The following PCNX3 variants were observed in gnomAD, a reference collection of about 807,000 sequenced individuals.
PCNX3 encodes the protein pecanex-like protein 3.
PCNX3 carries 58 observed loss-of-function variants against 207.2 expected under a neutral mutation model. The observed-to-expected ratio is 0.28, with a 90% CI of 0.23 to 0.35. PCNX3 has a LOEUF of 0.35. Ranked by LOEUF, PCNX3 falls within the 10% of genes least tolerant of loss-of-function variation. The pLI is 1.00. For missense variants in PCNX3, 2,410 were observed against 2,774.4 expected (o/e 0.87, Z 2.95); for synonymous variants, 1,337 against 1,183.5 (o/e 1.13, Z -2.66).
rs573003843 is a variant in PCNX3, at chr11:65,631,315, T to A, written c.4470+711T>A. Among the ~76,000 whole-genome samples, 37 of 152,264 alleles carry A rather than the reference T, an allele frequency of 2.4e-4. No individual in the cohort carries two copies. In the South Asian group the frequency reaches 7.7e-3, roughly 32 times the overall value. On this transcript the variant is annotated intron_variant, in intron 27 of 34. Transcript: ENST00000355703. ...ATGTTTCTTCCCTGTGTCCCTCAGCTTACCCCTTGAGAAGTGGGGGTTATT... is the reference window on the plus strand; with the variant it reads ...ATGTTTCTTCCCTGTGTCCCTCAGCATACCCCTTGAGAAGTGGGGGTTATT...
Position 65,618,134 on chromosome 11 carries a change from C to T in PCNX3, c.772C>T (p.Gln258Ter), listed in dbSNP as rs369521118. Residue 258 changes from glutamine (Q) to a stop codon, truncating the protein, a stop_gained, in exon 6 of 35, where the codon CAG becomes TAG. Coordinates refer to ENST00000355703, the MANE Select transcript of PCNX3 (RefSeq NM_032223.4). LOFTEE classifies it high-confidence loss of function. ...GAGCAAGAGCTTCCTGACCCTGACC[C>T]AGCCTGACCGGGCCCTGGTGAGGAC... ...ELSKSFLTLT[Q>*]PDRALVRTSS... 83 of 1,610,410 alleles carry T rather than the reference C, an allele frequency of 5.2e-5. No homozygotes were observed. The highest frequency in any genetic ancestry group is 5.9e-5 in the Non-Finnish European group (70 of 1,178,432).
At position 65,636,541 on chromosome 11, in the gene PCNX3, G is replaced by A; in HGVS notation, c.5744G>A (p.Gly1915Asp). The change falls in exon 34 of 35, where the codon GGT (glycine) becomes GAT (aspartate). Residue 1915 changes from glycine (G) to aspartate (D), a missense_variant. By Grantham distance (94) the Gly-to-Asp change is moderately conservative (BLOSUM62 -1). This residue lies in a region of PCNX3 where 278 missense variants were observed against 245.1 expected (regional missense o/e 1.13). Transcript: ENST00000355703. ...PPPASPIPTEGPRTSRPPGPG... is the reference protein window; with the variant it reads ...PPPASPIPTEDPRTSRPPGPG... ...CCTGCATCGCCTATCCCCACAGAGG[G>A]TCCCCGGACCTCACGGCCCCCTGGC... 6.3e-7 allele frequency: 1 copy of A among 1,595,294 alleles called. No homozygotes were observed. Among genetic ancestry groups the A allele is most frequent in the Non-Finnish European group, 8.5e-7 (1 of 1,172,652 alleles).
intron 23 of PCNX3, 54 bp from the exon 24 acceptor site, chr11:65,628,765 G>GGGGGGCC: frequency 6.3e-7 from 1 of 1,595,550 alleles, no homozygotes; most frequent in South Asian, 1.1e-5. Context: ...GCAGTGGGGG[G>GGGGGGCC]TGGTGGGGGG....
chr11:65,627,022 C>G lies in PCNX3; in HGVS notation c.3498C>G (p.Val1166=). 6.5e-7 allele frequency: 1 copy of G among 1,532,114 alleles called. No individual in the cohort carries two copies. The highest frequency in any genetic ancestry group is 1.2e-5 in the South Asian group (1 of 82,640). 94.9% of individuals were successfully genotyped at this position (1,532,114 alleles called of 1,614,324 possible). A position where few individuals can be genotyped will look rare whatever the true frequency, so the allele number is the denominator to read the frequency against. Residue 1166 remains valine (V), a synonymous_variant, in exon 21 of 35, where the codon GTC becomes GTG. Transcript: ENST00000355703. Reference sequence around the variant, plus strand: ...TCACGGTGGACGCCCACACAGTCGTCAGCCACCCGGACAAGTACTGCTTCT... The same window carrying G: ...TCACGGTGGACGCCCACACAGTCGTGAGCCACCCGGACAAGTACTGCTTCT... ...NALTVDAHTV[V]SHPDKYCFYC...
At position 65,625,574 on chromosome 11, in the gene PCNX3, G is replaced by A. The variant is rs1288614690; in HGVS notation, c.3135+64G>A. The A allele has an allele frequency of 5.1e-6, 8 of 1,580,410 alleles. No individual in the cohort carries two copies. In the Admixed American group the frequency reaches 7.1e-5, roughly 14 times the overall value. On this transcript the variant is annotated intron_variant, in intron 18 of 34. Transcript: ENST00000355703. This position sits in a 1 kb window ranked among gnomAD's most constrained non-coding sequence, Gnocchi z 5.6. ...GACAGGTCCTGGGGTTCCTGGGAGG[G>A]GCATGTCCAGCTTGGGCTGCTGGGC...
intron 28 of PCNX3, 47 bp downstream of exon 28, chr11:65,634,403 G>A (rs1476899110): frequency 2.0e-6 from 3 of 1,528,758 alleles, no homozygotes; most frequent in Admixed American, 3.9e-5. Flanking sequence ...GTGGGACCTG[G>A]GCTTCCCTGC....
intron 1 of PCNX3, 99 bp downstream of exon 1, chr11:65,616,563 G>A: frequency 3.6e-6 from 5 of 1,370,216 alleles, no homozygotes; most frequent in Non-Finnish European, 4.9e-6. Flanking sequence ...TGGAGAGAGA[G>A]GAATCACTGC....
chr11:65,621,351 C>T (rs575491978), intron 10 of PCNX3, among the ~76,000 whole-genome samples: 1 of 152,286 alleles, frequency 6.6e-6, no homozygotes, highest in African/African-American at 2.4e-5. Flanking sequence ...CTGGGGTGCT[C>T]TCTGTTAACA....
chr11:65,617,732 C>T, intron 5 of PCNX3, 26 bp downstream of exon 5: 1 of 1,549,820 alleles, frequency 6.5e-7, no homozygotes. Flanking sequence ...GGGGCCGAGG[C>T]TTGTGGGCTA....
In PCNX3 at chr11:65,617,694, C is replaced by A; in HGVS notation, c.565C>A (p.Gln189Lys). The change falls in exon 5 of 35, where the codon CAG (glutamine) becomes AAG (lysine). Residue 189 changes from glutamine to lysine, a missense_variant. By Grantham distance (53) the Gln-to-Lys change is moderately conservative. Around this residue, in one of 8 missense-constraint regions of PCNX3, gnomAD observed 1,104 missense variants for 970.3 expected, o/e 1.14. Coordinates refer to ENST00000355703, the MANE Select transcript of PCNX3 (RefSeq NM_032223.4). ...CCGAGAGATGCTGAAGCTCAGCTCG[C>A]AGGAGAAACTGAGTGCGTGGGCCTT... ...ADREMLKLSS[Q>K]EKLIGDLPQT... 5.7e-6 allele frequency: 9 copies of A among 1,567,898 alleles called. No homozygotes were observed. Among genetic ancestry groups the A allele is most frequent in the Non-Finnish European group, 7.8e-6 (9 of 1,156,444 alleles).
intron 20 of PCNX3, chr11:65,626,608 A>C (rs181704675): frequency 6.2e-6 from 3 of 480,674 alleles, no homozygotes; most frequent in East Asian, 8.2e-5. Context: ...CTCACTGTGC[A>C]CTCAGGCCCT....
rs1391922955 is a variant in PCNX3, at chr11:65,617,687, C to T, written c.558C>T (p.Leu186=). The T allele has an allele frequency of 1.9e-6, 3 of 1,572,124 alleles. No homozygotes were observed. The highest frequency in any genetic ancestry group is 2.6e-6 in the Non-Finnish European group (3 of 1,158,682). Residue 186 remains leucine (L), a synonymous_variant, in exon 5 of 35, where the codon CTC becomes CTT. Coordinates refer to ENST00000355703, the MANE Select transcript of PCNX3 (RefSeq NM_032223.4). ...VTSADREMLK[L]SSQEKLIGDL... ...CTGCCGACCGAGAGATGCTGAAGCT[C>T]AGCTCGCAGGAGAAACTGAGTGCGT...
intron 1 of PCNX3, 138 bp from the exon 2 acceptor site, chr11:65,616,686 A>G: frequency 9.5e-7 from 1 of 1,047,776 alleles, no homozygotes; most frequent in Non-Finnish European, 1.4e-6. Context: ...CCCTTTGTCG[A>G]GGTCTGTGTA....
chr11:65,620,583 C>G (rs1470485218), intron 9 of PCNX3, among the ~76,000 whole-genome samples, 154 bp downstream of exon 9: 1 of 152,152 alleles, frequency 6.6e-6, no homozygotes, highest in Non-Finnish European at 1.5e-5. Flanking sequence ...AAGGACAGAC[C>G]TCCTGGGGTC....
chr11:65,630,795 A>G (rs1324109511), intron 27 of PCNX3, among the ~76,000 whole-genome samples, 191 bp downstream of exon 27: 1 of 152,172 alleles, frequency 6.6e-6, no homozygotes, highest in African/African-American at 2.4e-5. Flanking sequence ...CTGTGCCCAT[A>G]TGGCTCTGAT....
At position 65,617,454 on chromosome 11, in the gene PCNX3, C is replaced by G; in HGVS notation, c.442-16C>G. On this transcript the variant is annotated splice_polypyrimidine_tract_variant and intron_variant, in intron 3 of 34. Transcript: ENST00000355703. ...TCTTGCCTTGTTTGTTCCTTCATGG[C>G]TCTCTGTCTACTCAGGAGCTGCTGC... The G allele has an allele frequency of 6.2e-7, 1 of 1,613,972 alleles. No individual in the cohort carries two copies. The highest frequency in any genetic ancestry group is 8.5e-7 in the Non-Finnish European group (1 of 1,179,862).
At chr11:65,616,745 C>T (rs1275026598) in intron 1 of PCNX3, 79 bp from the exon 2 acceptor site, 17 of 1,474,566 alleles carry the variant, frequency 1.2e-5, no homozygotes, top group East Asian at 4.6e-5. Flanking sequence ...CTGTGAATCC[C>T]AGCTATGATG....
chr11:65,620,220 C>T, intron 8 of PCNX3, 119 bp from the exon 9 acceptor site: 1 of 1,098,882 alleles, frequency 9.1e-7, no homozygotes. Flanking sequence ...GGCTGGGCTG[C>T]CCTCTCAGAG....
At chr11:65,616,638 C>T (rs139407526) in intron 1 of PCNX3, among the ~76,000 whole-genome samples, 174 bp downstream of exon 1, 2 of 152,260 alleles carry the variant, frequency 1.3e-5, no homozygotes, top group East Asian at 1.9e-4. Context: ...GACCTTGAAC[C>T]CTACACTTAA....
Sources: gnomAD v4.1 joint callset for allele counts (sites outside exome capture counted in the v4.1 genomes callset) on GRCh38, gnomAD v4.1.1 for gene constraint, gnomAD v4.1.1 regional missense constraint, Gnocchi (gnomAD v3.1) non-coding constraint, MANE v1.5 for transcripts, NCBI Gene and HGNC (gene_info 2026-07-23, HGNC 2026-07-21) for gene names.